The following ZBTB20 variants were observed in gnomAD, a reference collection of about 807,000 sequenced individuals.
The protein encoded by ZBTB20 is zinc finger and BTB domain containing 20.
Under a neutral mutation model 56.9 loss-of-function variants are expected in ZBTB20, and 9 were observed. The observed-to-expected ratio is 0.16, with a 90% confidence interval of 0.10 to 0.28. ZBTB20 has a LOEUF of 0.28. ZBTB20 is among the 10% of genes least tolerant of loss of function. The pLI, the probability that ZBTB20 is intolerant of heterozygous loss-of-function variation, is 1.00. For synonymous variants in ZBTB20, 417 were observed against 420.7 expected (o/e 0.99, Z 0.11); for missense variants, 655 against 1,003.0 (o/e 0.65, Z 4.69).
chr3:114,885,019 A>C (rs1576224169), intron 4 of ZBTB20, among the ~76,000 whole-genome samples: 1 of 152,220 alleles, frequency 6.6e-6, no homozygotes, highest in South Asian at 2.1e-4. Flanking sequence ...ATTTCAGGAG[A>C]TATGGTTAAA....
chr3:114,352,653 A>T (rs2080798337), intron 10 of ZBTB20, among the ~76,000 whole-genome samples: 1 of 152,132 alleles, frequency 6.6e-6, no homozygotes, highest in African/African-American at 2.4e-5. Context: ...GTTGCATGTG[A>T]TATGGAAGGT....
intron 3 of ZBTB20, among the ~76,000 whole-genome samples, chr3:114,958,213 T>G (rs1399765083): frequency 2.6e-5 from 4 of 152,240 alleles, no homozygotes; most frequent in Non-Finnish European, 5.9e-5. Flanking sequence ...TTTACTCTTT[T>G]GTGGATCTGC....
intron 5 of ZBTB20, among the ~76,000 whole-genome samples, chr3:114,714,255 C>T (rs2064298487): frequency 6.6e-6 from 1 of 152,114 alleles, no homozygotes; most frequent in Admixed American, 6.6e-5. Flanking sequence ...GGCCAAGTGC[C>T]CAGCTAAGAG....
intron 7 of ZBTB20, among the ~76,000 whole-genome samples, chr3:114,485,490 G>A (rs999479233): frequency 7.2e-5 from 11 of 152,078 alleles, no homozygotes; most frequent in Non-Finnish European, 1.5e-4. Context: ...CCATCTTTTG[G>A]TCACTACTTG....
At chr3:114,526,772 G>T (rs2047266129) in intron 6 of ZBTB20, among the ~76,000 whole-genome samples, 1 of 152,094 alleles carries the variant, frequency 6.6e-6, no homozygotes, top group Non-Finnish European at 1.5e-5. Flanking sequence ...TATAGGACAG[G>T]GAAAACAACT....
intron 6 of ZBTB20, chr3:114,518,890 C>T (rs2046331011): frequency 6.6e-6 from 1 of 152,178 alleles, no homozygotes; most frequent in Non-Finnish European, 1.5e-5. Flanking sequence ...GCCAGGGACG[C>T]TGCTAAACAT....
chr3:114,409,465 TG>T (rs1364042327), intron 7 of ZBTB20, among the ~76,000 whole-genome samples: 2 of 151,820 alleles, frequency 1.3e-5, no homozygotes, highest in Admixed American at 1.3e-4. Context: ...GGTATGTTCA[TG>T]GCTGAAGGCA....
chr3:114,990,503 G>T (rs952121608), intron 2 of ZBTB20, among the ~76,000 whole-genome samples: 1 of 152,164 alleles, frequency 6.6e-6, no homozygotes, highest in Non-Finnish European at 1.5e-5. Context: ...GATTCGGTTT[G>T]CCAGTATTTT....
chr3:114,460,743 A>G (rs147542574), intron 7 of ZBTB20, among the ~76,000 whole-genome samples: 2 of 152,320 alleles, frequency 1.3e-5, no homozygotes, highest in African/African-American at 4.8e-5. Flanking sequence ...AGCCATAGGA[A>G]ATTAACACAG....
chr3:114,763,478 TTGCATAGAACATA>T (rs1183806783), intron 5 of ZBTB20, among the ~76,000 whole-genome samples: 1 of 152,182 alleles, frequency 6.6e-6, no homozygotes, highest in Non-Finnish European at 1.5e-5. Context: ...GTTTTGATCA[TTGCATAGAACATA>T]TGCATAGAAC....
chr3:115,078,613 G>GTGTGTGTGTA (rs769630983), intron 1 of ZBTB20, among the ~76,000 whole-genome samples: 2 of 137,828 alleles, frequency 1.5e-5, no homozygotes, highest in African/African-American at 5.7e-5. Flanking sequence ...GTGTGTGTGT[G>GTGTGTGTGTA]TATATATATA....
intron 4 of ZBTB20, among the ~76,000 whole-genome samples, chr3:114,828,517 T>G (rs2073672937): frequency 6.6e-6 from 1 of 151,906 alleles, no homozygotes; most frequent in Non-Finnish European, 1.5e-5. Flanking sequence ...CTTTTTAATG[T>G]TTCTATTTGT....
intron 4 of ZBTB20, among the ~76,000 whole-genome samples, chr3:114,814,260 T>C (rs1358850962): frequency 1.3e-5 from 2 of 149,232 alleles, no homozygotes; most frequent in East Asian, 3.9e-4. Flanking sequence ...TTTCACTTAC[T>C]GTCATTTATA....
At chr3:114,780,581 G>A (rs541209466) in intron 5 of ZBTB20, among the ~76,000 whole-genome samples, 3 of 152,204 alleles carry the variant, frequency 2.0e-5, no homozygotes, top group East Asian at 1.9e-4. Flanking sequence ...TCCACCTCCC[G>A]GGTTCAAGCG....
intron 6 of ZBTB20, among the ~76,000 whole-genome samples, chr3:114,678,354 C>T (rs2061759837): frequency 6.6e-6 from 1 of 152,134 alleles, no homozygotes; most frequent in Non-Finnish European, 1.5e-5. Flanking sequence ...ACATAAAATG[C>T]ACTTAAAATT....
chr3:114,724,148 C>T (rs181325911), intron 5 of ZBTB20, among the ~76,000 whole-genome samples: 6 of 152,162 alleles, frequency 3.9e-5, no homozygotes, highest in African/African-American at 1.4e-4. Context: ...GCTGGGATTA[C>T]AGGTGTGAGC....
intron 7 of ZBTB20, among the ~76,000 whole-genome samples, chr3:114,456,263 G>A (rs1218066567): frequency 6.6e-6 from 1 of 151,956 alleles, no homozygotes; most frequent in Non-Finnish European, 1.5e-5. Context: ...AGGGATTTAA[G>A]TCTTTAATTC....
chr3:114,825,430 T>C (rs776643509), intron 4 of ZBTB20, among the ~76,000 whole-genome samples: 9 of 151,962 alleles, frequency 5.9e-5, no homozygotes, highest in Non-Finnish European at 1.2e-4. Flanking sequence ...ATGTTAATGC[T>C]GGAGTACTTT....
chr3:114,350,365 C>T lies in ZBTB20; in HGVS notation c.1713G>A (p.Gly571=). The stretch of plus-strand genomic sequence containing the variant: ...ACTCATAAGGCTTTTTTTCGCCTTG[C>T]CCACTGGCTGTGCTGTGGCCTGCGG... ...ASSAGHSTAS[G]QGEKKPYECT... Residue 571 remains glycine (G), a synonymous_variant, in exon 11 of 12, where the codon GGG becomes GGA. Coordinates refer to ENST00000675478, the MANE Select transcript of ZBTB20 (RefSeq NM_001348800.3). The T allele has an allele frequency of 6.2e-7, 1 of 1,614,126 alleles. No homozygotes were observed. Among genetic ancestry groups the T allele is most frequent in the Non-Finnish European group, 8.5e-7 (1 of 1,180,010 alleles).
Sources: allele counts gnomAD v4.1 joint callset (sites outside exome capture counted in the v4.1 genomes callset), GRCh38; gene constraint gnomAD v4.1.1; transcripts MANE v1.5; gene names NCBI Gene and HGNC (gene_info 2026-07-23, HGNC 2026-07-21).